RNF216: variants seen among roughly 807,000 people sequenced by gnomAD.
RNF216 encodes the protein ring finger protein 216.
In RNF216, 72 loss-of-function variants were observed where a neutral mutation model predicts 110.8. That is an observed-to-expected ratio of 0.65 (90% CI 0.54 to 0.79). RNF216 has a LOEUF of 0.79. Among genes scored for constraint, RNF216 ranks in the 30% least tolerant of loss-of-function variants. RNF216 has a pLI of 0.00. For synonymous variants in RNF216, 495 were observed against 407.5 expected, an observed-to-expected ratio of 1.21 and a Z score of -2.59; for missense variants, 1,342 against 1,141.2, an observed-to-expected ratio of 1.18 and a Z score of -2.54.
At chr7:5,745,684 G>C (rs1006528940) in intron 3 of RNF216, among the ~76,000 whole-genome samples, 16 of 151,974 alleles carry the variant, frequency 1.1e-4, no homozygotes, top group African/African-American at 3.4e-4. Context: ...TGGATAACTT[G>C]AGGTCAAGAG....
At chr7:5,716,646 T>C in intron 10 of RNF216, 70 bp downstream of exon 10, 1 of 1,305,110 alleles carries the variant, frequency 7.7e-7, no homozygotes, top group East Asian at 2.4e-5. Context: ...TCAAAAATGC[T>C]GACAAAACAT....
In RNF216 at chr7:5,620,736, G is replaced by C. The variant is rs901435912; in HGVS notation, c.*2124C>G. ...GCTCCCCCTCCCCTGCCAGGGTTGA[G>C]GCCAGCACCTGTCTAGGGCTGTTTC... On this transcript the variant is annotated 3_prime_UTR_variant, in exon 17 of 17. Transcript: ENST00000389902. 1 of 152,592 alleles carries C rather than the reference G, an allele frequency of 6.6e-6. No homozygotes were observed. The highest frequency in any genetic ancestry group is 2.4e-5 in the African/African-American group (1 of 41,454). 9.5% of individuals were successfully genotyped at this position (152,592 alleles called of 1,614,324 possible).
In RNF216 at chr7:5,623,188, G is replaced by C. The variant is rs1786498219; in HGVS notation, c.2453-9C>G. ...GCGTTTGAAGGTGTTCTCTGAAAGG[G>C]ATGTGGGGATTAGTGGAGAAAAACA... On this transcript the variant is annotated splice_polypyrimidine_tract_variant and intron_variant, in intron 16 of 16. Coordinates refer to ENST00000389902, the MANE Select transcript of RNF216 (RefSeq NM_207111.4). 1 of 1,538,390 alleles carries C rather than the reference G, an allele frequency of 6.5e-7. No homozygotes were observed. Among genetic ancestry groups the C allele is most frequent in the Non-Finnish European group, 8.8e-7 (1 of 1,137,624 alleles).
chr7:5,666,022 C>T (rs1327100466), intron 13 of RNF216, among the ~76,000 whole-genome samples: 4 of 151,952 alleles, frequency 2.6e-5, no homozygotes, highest in Non-Finnish European at 4.4e-5. Context: ...AAAAATTAGC[C>T]GGGCGTGGTG....
intron 5 of RNF216, among the ~76,000 whole-genome samples, chr7:5,736,995 G>A (rs1794457572): frequency 1.3e-5 from 2 of 152,274 alleles, no homozygotes; most frequent in East Asian, 1.9e-4. Flanking sequence ...GAGCCCCTCT[G>A]CCCGGCCGCC....
At chr7:5,701,385 A>C (rs1390219904) in intron 13 of RNF216, among the ~76,000 whole-genome samples, 4 of 152,146 alleles carry the variant, frequency 2.6e-5, no homozygotes, top group African/African-American at 9.7e-5. Flanking sequence ...CAGGTTCACA[A>C]AACTGGAGGC....
chr7:5,630,037 C>T (rs373928316), intron 15 of RNF216, among the ~76,000 whole-genome samples: 4 of 151,894 alleles, frequency 2.6e-5, no homozygotes, highest in African/African-American at 4.8e-5. Flanking sequence ...AAAAAGGCCA[C>T]GCTACAAATC....
intron 1 of RNF216, among the ~76,000 whole-genome samples, chr7:5,775,519 G>A (rs1220754878): frequency 6.6e-6 from 1 of 152,060 alleles, no homozygotes; most frequent in Non-Finnish European, 1.5e-5. Flanking sequence ...ACAGATTTGG[G>A]GGTCACTAAA....
intron 13 of RNF216, 67 bp from the exon 14 acceptor site, chr7:5,652,577 C>T (rs1788464026): frequency 2.0e-6 from 2 of 1,014,708 alleles, no homozygotes; most frequent in Non-Finnish European, 3.1e-6. Flanking sequence ...TCCTGTTCAA[C>T]AAAAGGGATA....
At chr7:5,672,720 A>C (rs1470767403) in intron 13 of RNF216, among the ~76,000 whole-genome samples, 1 of 152,166 alleles carries the variant, frequency 6.6e-6, no homozygotes, top group Non-Finnish European at 1.5e-5. Flanking sequence ...GGAACAGAGA[A>C]GGCCAGTGAG....
chr7:5,631,787 T>C (rs1477993727), intron 15 of RNF216, among the ~76,000 whole-genome samples: 2 of 152,204 alleles, frequency 1.3e-5, no homozygotes, highest in African/African-American at 4.8e-5. Flanking sequence ...AGATCAATCC[T>C]GGGAACATTC....
At chr7:5,629,586 T>C (rs1584336970) in intron 15 of RNF216, among the ~76,000 whole-genome samples, 1 of 151,534 alleles carries the variant, frequency 6.6e-6, no homozygotes, top group Non-Finnish European at 1.5e-5. Flanking sequence ...CCCAGCACTT[T>C]GGGAGGCCGA....
intron 1 of RNF216, among the ~76,000 whole-genome samples, chr7:5,771,910 A>G (rs1796515792): frequency 6.6e-6 from 1 of 152,156 alleles, no homozygotes; most frequent in Non-Finnish European, 1.5e-5. Flanking sequence ...AAAGTGTCCA[A>G]CATTATGAGA....
At chr7:5,705,726 T>C (rs570540996) in intron 13 of RNF216, among the ~76,000 whole-genome samples, 279 of 151,846 alleles carry the variant, frequency 1.8e-3, no homozygotes, top group South Asian at 4.6e-3. Context: ...CGGACCAACA[T>C]GGAGAAACCC....
chr7:5,743,066 T>C (rs984543505), intron 3 of RNF216, among the ~76,000 whole-genome samples: 1 of 151,982 alleles, frequency 6.6e-6, no homozygotes, highest in African/African-American at 2.4e-5. Context: ...ATCGAGACCA[T>C]CCTGGCCAAC....
At chr7:5,731,852 T>G (rs1403540918) in intron 5 of RNF216, among the ~76,000 whole-genome samples, 1 of 145,126 alleles carries the variant, frequency 6.9e-6, no homozygotes, top group Non-Finnish European at 1.5e-5. Context: ...AGAGAAAAAG[T>G]GCTCAGCTCT....
At position 5,653,059 on chromosome 7, in the gene RNF216, C is replaced by T. The variant is rs1016164159; in HGVS notation, c.2062-549G>A. Among the ~76,000 whole-genome samples the T allele has an allele frequency of 1.1e-4, 16 of 152,144 alleles. 1 individual carries two copies. Among genetic ancestry groups the T allele is most frequent in the Admixed American group, 8.5e-4 (13 of 15,272 alleles). On this transcript the variant is annotated intron_variant, in intron 13 of 16. Coordinates refer to ENST00000389902, the MANE Select transcript of RNF216 (RefSeq NM_207111.4). Reference sequence around the variant, plus strand: ...AATCTCTGCAAAATCCCTGTGCCCACAAGCTGGCGTCCAAAACTCGCTTCT... The same window carrying T: ...AATCTCTGCAAAATCCCTGTGCCCATAAGCTGGCGTCCAAAACTCGCTTCT...
chr7:5,739,596 A>C (rs544191695), intron 4 of RNF216: 1 of 586,214 alleles, frequency 1.7e-6, no homozygotes, highest in East Asian at 3.7e-5. Context: ...TCCATTCTTC[A>C]TTGCTTCAAC....
intron 1 of RNF216, among the ~76,000 whole-genome samples, chr7:5,765,157 G>A (rs940656346): frequency 6.6e-6 from 1 of 151,800 alleles, no homozygotes; most frequent in Non-Finnish European, 1.5e-5. Context: ...TACTCAAAGA[G>A]CTATTAAAAA....
Sources: allele counts gnomAD v4.1 joint callset (sites outside exome capture counted in the v4.1 genomes callset), GRCh38; gene constraint gnomAD v4.1.1; transcripts MANE v1.5; gene names NCBI Gene and HGNC (gene_info 2026-07-23, HGNC 2026-07-21).